Variants in PLCG2 observed in about 807,000 individuals in gnomAD.
PLCG2 encodes the protein phospholipase C gamma 2.
In PLCG2, 69 loss-of-function variants were observed where a neutral mutation model predicts 175.6. That is an observed-to-expected ratio of 0.39 (90% confidence interval 0.32 to 0.48). The LOEUF is 0.48. Ranked by LOEUF, PLCG2 falls within the 20% of genes least tolerant of loss-of-function variation. PLCG2 has a pLI of 0.91. For synonymous variants in PLCG2, 827 were observed against 624.0 expected, an observed-to-expected ratio of 1.33 and a Z score of -4.85; for missense variants, 1,798 against 1,650.9, an observed-to-expected ratio of 1.09 and a Z score of -1.54.
intron 5 of PLCG2, among the ~76,000 whole-genome samples, chr16:81,864,565 T>A (rs920882750): frequency 1.3e-5 from 2 of 152,208 alleles, no homozygotes; most frequent in African/African-American, 4.8e-5. Context: ...TTTCCTCATG[T>A]GTAAAAGATA....
At chr16:81,930,593 CAA>C (rs1474310966) in intron 24 of PLCG2, among the ~76,000 whole-genome samples, 1 of 151,818 alleles carries the variant, frequency 6.6e-6, no homozygotes, top group African/African-American at 2.4e-5. Context: ...ACAAAAAATA[CAA>C]AAATTAGCCA....
chr16:81,842,012 G>A (rs145638746), intron 2 of PLCG2, among the ~76,000 whole-genome samples: 1 of 152,186 alleles, frequency 6.6e-6, no homozygotes, highest in Non-Finnish European at 1.5e-5. Context: ...CTGGGGCCAC[G>A]TGATTTTTAT....
rs778773333 is a variant in PLCG2 at position 81,919,527 on chromosome 16, C to G, written c.2098C>G (p.Arg700Gly). ...VKHCRINRDG[R>G]HFVLGTSAYF... ...GCATTGTCGCATCAACCGGGACGGC[C>G]GGCACTTTGTGCTGGGGACCTCCGC... is the stretch of plus-strand genomic sequence containing the variant. The change falls in exon 20 of 33, where the codon CGG becomes GGG. Residue 700 changes from arginine (R) to glycine (G), a missense_variant. Physicochemically the swap from Arg to Gly is moderately radical, Grantham distance 125. Coordinates refer to ENST00000564138, the MANE Select transcript of PLCG2 (RefSeq NM_002661.5). 1.2e-6 allele frequency: 2 copies of G among 1,614,100 alleles called. No homozygotes were observed. The highest frequency in any genetic ancestry group is 1.7e-6 in the Non-Finnish European group (2 of 1,180,014).
rs1555524806 is a variant in PLCG2 at position 81,958,229 on chromosome 16, A to C, written c.*231A>C. 5 of 532,326 alleles carry C rather than the reference A, an allele frequency of 9.4e-6. No homozygotes were observed. In the South Asian group the frequency reaches 1.1e-4, roughly 11 times the overall value. The allele number at this position is 532,326 out of a possible 1,614,324, so 33.0% of individuals were successfully genotyped here. Reference sequence around the variant, plus strand: ...TATTCTTTATAGAGGATTCCCCAAAATGTGCTCCTCATTTTTGGCCTCTCA... The same window carrying C: ...TATTCTTTATAGAGGATTCCCCAAACTGTGCTCCTCATTTTTGGCCTCTCA... On this transcript the variant is annotated 3_prime_UTR_variant, in exon 33 of 33. Transcript: ENST00000564138.
chr16:81,786,100 C>T lies in PLCG2; in HGVS notation c.111C>T (p.Thr37=), dbSNP rs762280295. The T allele has an allele frequency of 1.9e-6, 3 of 1,614,162 alleles. No individual in the cohort carries two copies. Among genetic ancestry groups the T allele is most frequent in the Middle Eastern group, 3.3e-4 (2 of 6,062 alleles). The part of the protein sequence containing the change: ...VMTVFSFRKS[T]PERRTVQVIM... ...CTGTGTTCAGCTTCCGCAAGTCCAC[C>T]CCCGAGCGGAGAACCGTCCAGGTGA... is the stretch of plus-strand genomic sequence containing the variant. Residue 37 remains threonine (T), a synonymous_variant, in exon 2 of 33, where the codon ACC becomes ACT. Transcript: ENST00000564138.
At chr16:81,858,686 A>C (rs1906810319) in intron 4 of PLCG2, among the ~76,000 whole-genome samples, 1 of 152,182 alleles carries the variant, frequency 6.6e-6, no homozygotes, top group Non-Finnish European at 1.5e-5. Context: ...GGACTGATCA[A>C]AGGACAGATA....
At chr16:81,913,632 C>G (rs971082403) in intron 19 of PLCG2, among the ~76,000 whole-genome samples, 1 of 152,194 alleles carries the variant, frequency 6.6e-6, no homozygotes, top group Non-Finnish European at 1.5e-5. Context: ...AGAAATTTCA[C>G]TGAAAAACTC....
At chr16:81,875,325 GTTA>G (rs1458523600) in intron 7 of PLCG2, among the ~76,000 whole-genome samples, 5 of 152,038 alleles carry the variant, frequency 3.3e-5, no homozygotes, top group Non-Finnish European at 7.4e-5. Flanking sequence ...AGCTACTGTT[GTTA>G]TTGCCATTTT....
chr16:81,822,366 A>G (rs1162870006), intron 2 of PLCG2, among the ~76,000 whole-genome samples: 1 of 152,160 alleles, frequency 6.6e-6, no homozygotes, highest in African/African-American at 2.4e-5. Flanking sequence ...TTACTTGGTA[A>G]AGAGGACCTT....
At position 81,855,837 on chromosome 16, in the gene PLCG2, A is replaced by G. The variant is rs558378785; in HGVS notation, c.337+1250A>G. Among the ~76,000 whole-genome samples, 21 of 152,260 alleles carry G rather than the reference A, an allele frequency of 1.4e-4. No homozygotes were observed. In the South Asian group the frequency reaches 4.1e-3, roughly 30 times the overall value. On this transcript the variant is annotated intron_variant, in intron 3 of 32. Coordinates refer to ENST00000564138, the MANE Select transcript of PLCG2 (RefSeq NM_002661.5). ...CCAGGGCTTGGAGGAGGGAAATAGC[A>G]TGTCGGATGTAGGAAATGAGGAGCG...
intron 2 of PLCG2, among the ~76,000 whole-genome samples, chr16:81,823,505 G>T (rs1201177298): frequency 6.6e-6 from 1 of 152,116 alleles, no homozygotes; most frequent in Non-Finnish European, 1.5e-5. Context: ...TTGTGTTGAA[G>T]GCTTTAAGAT....
intron 18 of PLCG2, among the ~76,000 whole-genome samples, chr16:81,912,367 A>C (rs941252272): frequency 6.6e-6 from 1 of 152,182 alleles, no homozygotes; most frequent in Non-Finnish European, 1.5e-5. Flanking sequence ...TGCTCGGCCC[A>C]ATGTATTATT....
rs372795428 is a variant in PLCG2, at chr16:81,891,549, C to T, written c.945C>T (p.Asn315=). The T allele has an allele frequency of 1.7e-5, 28 of 1,610,438 alleles. No individual in the cohort carries two copies. The Middle Eastern group carries it at 5.0e-4, about 29-fold the overall frequency. Residue 315 remains asparagine (N), a synonymous_variant, in exon 11 of 33, where the codon AAC becomes AAT. Transcript: ENST00000564138. Reference sequence around the variant, plus strand: ...ACGCGGTGGACATGCAGGACATGAACAACCCCCTGTCTCATTACTGGATCT... The same window carrying T: ...ACGCGGTGGACATGCAGGACATGAATAACCCCCTGTCTCATTACTGGATCT... ...KYDAVDMQDM[N]NPLSHYWISS... is the part of the protein sequence containing the mutation.
intron 5 of PLCG2, among the ~76,000 whole-genome samples, chr16:81,867,580 C>T (rs1027945650): frequency 2.6e-5 from 4 of 152,308 alleles, no homozygotes; most frequent in African/African-American, 9.6e-5. Context: ...ATATAAGGCA[C>T]CACCTAGAAC....
At chr16:81,866,081 G>T (rs1907218852) in intron 5 of PLCG2, among the ~76,000 whole-genome samples, 1 of 127,238 alleles carries the variant, frequency 7.9e-6, no homozygotes. Flanking sequence ...CCCAGGATGG[G>T]CTCCACTGGG....
At chr16:81,841,806 T>G (rs78262883) in intron 2 of PLCG2, among the ~76,000 whole-genome samples, 2,680 of 152,262 alleles carry the variant, frequency 0.018, 89 homozygotes, top group African/African-American at 0.062. Context: ...CCAGCTGCCA[T>G]GTCAGACGCT....
At chr16:81,832,461 C>G (rs117105981) in intron 2 of PLCG2, among the ~76,000 whole-genome samples, 12,889 of 152,296 alleles carry the variant, frequency 0.085, 623 homozygotes, top group Middle Eastern at 0.15. Context: ...ATGATCACGG[C>G]TCACTGCAAC....
chr16:81,923,468 C>G lies in PLCG2; in HGVS notation c.2308-17C>G. The G allele has an allele frequency of 6.4e-7, 1 of 1,563,292 alleles. No homozygotes were observed. The highest frequency in any genetic ancestry group is 8.8e-7 in the Non-Finnish European group (1 of 1,134,546). On this transcript the variant is annotated splice_polypyrimidine_tract_variant and intron_variant, in intron 21 of 32. Coordinates refer to ENST00000564138, the MANE Select transcript of PLCG2 (RefSeq NM_002661.5). ...CTGTCCCTGGCCTGACCTTTTCCTT[C>G]TTGTTTTCCCTGAAAGCCTCAGAGA...
At chr16:81,929,688 G>A (rs902563133) in intron 24 of PLCG2, among the ~76,000 whole-genome samples, 2 of 152,196 alleles carry the variant, frequency 1.3e-5, no homozygotes, top group Non-Finnish European at 2.9e-5. Context: ...GTGCCACCAT[G>A]CCCAGCCTGC....
Sources: gnomAD v4.1 joint callset for allele counts (sites outside exome capture counted in the v4.1 genomes callset) on GRCh38, gnomAD v4.1.1 for gene constraint, MANE v1.5 for transcripts, NCBI Gene and HGNC (gene_info 2026-07-23, HGNC 2026-07-21) for gene names.